The following ZNF880 variants were observed in gnomAD, a reference collection of about 807,000 sequenced individuals.
ZNF880 encodes the protein zinc finger protein 880, also known as zinc finger protein LOC400713.
Under a neutral mutation model 11.8 loss-of-function variants are expected in ZNF880, and 12 were observed. The ratio of observed to expected loss-of-function variants is 1.02; its 90% confidence interval spans 0.65 to 1.65. The LOEUF (loss-of-function observed/expected upper bound fraction) is 1.65, where lower values mean the gene tolerates loss of function less well. ZNF880 is among the 40% of genes most tolerant of loss of function. The pLI, the probability that ZNF880 is intolerant of heterozygous loss-of-function variation, is 0.00. For synonymous variants in ZNF880, 210 were observed against 232.4 expected (o/e 0.90, Z 0.88); for missense variants, 601 against 673.9 (o/e 0.89, Z 1.20).
chr19:52,375,583 A>AT (rs1434408468), intron 3 of ZNF880, among the ~76,000 whole-genome samples: 4 of 151,996 alleles, frequency 2.6e-5, no homozygotes, highest in Non-Finnish European at 5.9e-5. Flanking sequence ...GGTTTCTGAG[A>AT]TTTTGGTGCA....
At position 52,383,758 on chromosome 19, in the gene ZNF880, G is replaced by C. The variant is rs1026990660; in HGVS notation, c.269-91G>C. Reference sequence around the variant, plus strand: ...TATGCTGATATTCCTTCCCATGTCTGAGTCAGGTGAGGCAGAATCTAGTCT... The same window carrying C: ...TATGCTGATATTCCTTCCCATGTCTCAGTCAGGTGAGGCAGAATCTAGTCT... On this transcript the variant is annotated intron_variant, in intron 3 of 3. Coordinates refer to ENST00000422689, the MANE Select transcript of ZNF880 (RefSeq NM_001145434.2). The C allele has an allele frequency of 3.8e-6, 5 of 1,316,536 alleles. No individual in the cohort carries two copies. In the African/African-American group the frequency reaches 7.5e-5, roughly 20 times the overall value. The allele number at this position is 1,316,536 out of a possible 1,614,324, so 81.6% of individuals were successfully genotyped here. A position where few individuals can be genotyped will look rare whatever the true frequency, so the allele number is the denominator to read the frequency against.
chr19:52,374,517 G>A, intron 3 of ZNF880, 90 bp downstream of exon 3: 1 of 1,486,850 alleles, frequency 6.7e-7, no homozygotes. Flanking sequence ...GTCGTAGAGT[G>A]GCAATCATCA....
At chr19:52,383,794 C>T in intron 3 of ZNF880, 55 bp from the exon 4 acceptor site, 1 of 1,473,184 alleles carries the variant, frequency 6.8e-7, no homozygotes. Flanking sequence ...CTCTGTCAGA[C>T]ACTGAACATG....
At chr19:52,381,826 T>C (rs949909930) in intron 3 of ZNF880, among the ~76,000 whole-genome samples, 1 of 128,692 alleles carries the variant, frequency 7.8e-6, no homozygotes, top group African/African-American at 2.7e-5. Flanking sequence ...ATATTAACAG[T>C]GTAACTTTAG....
Position 52,371,757 on chromosome 19 carries a change from C to T in ZNF880, c.13-1354C>T, listed in dbSNP as rs114032942. 4.1e-3 allele frequency among the ~76,000 whole-genome samples: 625 copies of T among 152,268 alleles called. 5 individuals are homozygous for T. Among genetic ancestry groups the T allele is most frequent in the African/African-American group, 0.014 (587 of 41,546 alleles). On this transcript the variant is annotated intron_variant, in intron 1 of 3. Transcript: ENST00000422689. ...CCATTTTTAGCCTTCACACCTGGGG[C>T]AAGTTTCTTAGAATGTCTGAGAAAG...
chr19:52,393,992 A>G, the ZNF880 span, among the ~76,000 whole-genome samples: 6 of 149,704 alleles, frequency 4.0e-5, no homozygotes, highest in African/African-American at 1.0e-4. Flanking sequence ...ACCCGCCACC[A>G]CACCTGGCTA....
intron 3 of ZNF880, among the ~76,000 whole-genome samples, chr19:52,378,393 C>G (rs1378984323): frequency 6.6e-6 from 1 of 151,978 alleles, no homozygotes; most frequent in Non-Finnish European, 1.5e-5. Context: ...GCCTGTAATC[C>G]CAGCACTTTG....
chr19:52,368,071 T>A (rs1475968212), upstream of ZNF880, among the ~76,000 whole-genome samples: 1 of 151,704 alleles, frequency 6.6e-6, no homozygotes, highest in Non-Finnish European at 1.5e-5. Flanking sequence ...CTGGGCCTGG[T>A]GGTGTGCACC....
the ZNF880 span, chr19:52,396,303 C>T: frequency 0.92 from 140,655 of 152,212 alleles, 65,109 homozygotes; most frequent in African/African-American, 0.98. Flanking sequence ...AGTCCATTTA[C>T]ATGTGCACTG....
At chr19:52,374,503 G>C (rs1334294836) in intron 3 of ZNF880, 76 bp downstream of exon 3, 1 of 1,525,308 alleles carries the variant, frequency 6.6e-7, no homozygotes, top group Admixed American at 2.0e-5. Flanking sequence ...CTGTCACCCA[G>C]GCTGTCGTAG....
chr19:52,384,522 T>G lies in ZNF880; in HGVS notation c.942T>G (p.His314Gln). Residue 314 changes from histidine (H) to glutamine (Q), a missense_variant, in exon 4 of 4, where the codon CAT becomes CAG. Transcript: ENST00000422689. ...VFNRNAHLAR[H>Q]QKIHSGEKPY... ...ACAGAAATGCACACCTTGCACGACA[T>G]CAGAAAATTCATAGTGGAGAGAAAC... The G allele has an allele frequency of 1.2e-6, 2 of 1,614,054 alleles. No individual in the cohort carries two copies. The highest frequency in any genetic ancestry group is 1.7e-6 in the Non-Finnish European group (2 of 1,180,004).
chr19:52,390,282 A>G (rs538968706), downstream of ZNF880: 102 of 347,402 alleles, frequency 2.9e-4, no homozygotes, highest in Non-Finnish European at 5.0e-4. Context: ...GGAGCTTCCC[A>G]TCTGCTCCGC....
In ZNF880 at chr19:52,369,937, C is replaced by G. The variant is rs1350498449; in HGVS notation, c.-29C>G. 12 of 1,551,480 alleles carry G rather than the reference C, an allele frequency of 7.7e-6. No homozygotes were observed. Among genetic ancestry groups the G allele is most frequent in the Non-Finnish European group, 1.0e-5 (12 of 1,146,990 alleles). ...GCTGCGCGCGCAGTTTCCTGGAGACCCGGAAGCAGATTACGTGGAGTGACG... is the reference window on the plus strand; with the variant it reads ...GCTGCGCGCGCAGTTTCCTGGAGACGCGGAAGCAGATTACGTGGAGTGACG... On this transcript the variant is annotated 5_prime_UTR_variant, in exon 1 of 4. Coordinates refer to ENST00000422689, the MANE Select transcript of ZNF880 (RefSeq NM_001145434.2).
the ZNF880 span, among the ~76,000 whole-genome samples, chr19:52,394,077 A>C: frequency 6.6e-6 from 1 of 151,606 alleles, no homozygotes; most frequent in Non-Finnish European, 1.5e-5. Context: ...CTGACCTCGT[A>C]GTCCACCTGC....
At chr19:52,386,145 C>T (rs2122427343), downstream of ZNF880, among the ~76,000 whole-genome samples, 1 of 116,010 alleles carries the variant, frequency 8.6e-6, no homozygotes, top group East Asian at 2.4e-4. Flanking sequence ...GCACTCCAGC[C>T]TGGGGGACAG....
At chr19:52,367,112 A>AC (rs1986140583), upstream of ZNF880, 8 of 117,894 alleles carry the variant, frequency 6.8e-5, no homozygotes, top group South Asian at 3.2e-3. Flanking sequence ...TAAAGTTTAA[A>AC]GTTTTTTTTT....
At chr19:52,397,249 C>T in the ZNF880 span, 1 of 151,898 alleles carries the variant, frequency 6.6e-6, no homozygotes, top group African/African-American at 2.4e-5. Context: ...GAATTGAGCA[C>T]AGGGTTGACC....
At chr19:52,370,332 AG>A (rs1362915977) in intron 1 of ZNF880, 2 of 306,626 alleles carry the variant, frequency 6.5e-6, no homozygotes, top group African/African-American at 4.2e-5. Flanking sequence ...CTCTTTTCAC[AG>A]GCCTGCCCCC....
intron 3 of ZNF880, 192 bp downstream of exon 3, chr19:52,374,619 G>A (rs1371290200): frequency 1.3e-6 from 1 of 759,488 alleles, no homozygotes; most frequent in Non-Finnish European, 2.3e-6. Context: ...TTACAAGCAT[G>A]AGCCACTGTA....
Sources: gnomAD v4.1 joint callset for allele counts (sites outside exome capture counted in the v4.1 genomes callset) on GRCh38, gnomAD v4.1.1 for gene constraint, MANE v1.5 for transcripts, NCBI Gene and HGNC (gene_info 2026-07-23, HGNC 2026-07-21) for gene names.